FOXJ3: variants seen among roughly 807,000 people sequenced by gnomAD.
FOXJ3 encodes forkhead box J3.
Under a neutral mutation model 76.1 loss-of-function variants are expected in FOXJ3, and 22 were observed. The observed-to-expected ratio is 0.29, with a 90% confidence interval of 0.21 to 0.41. The LOEUF (loss-of-function observed/expected upper bound fraction) is 0.41, where lower values mean the gene tolerates loss of function less well. Among genes scored for constraint, FOXJ3 ranks in the 10% least tolerant of loss-of-function variants. FOXJ3 has a pLI of 1.00. For synonymous variants in FOXJ3, 269 were observed against 261.2 expected (o/e 1.03, Z -0.29); for missense variants, 613 against 762.1 (o/e 0.80, Z 2.30).
chr1:42,277,207 G>T (rs937260439), intron 3 of FOXJ3, among the ~76,000 whole-genome samples: 1 of 152,140 alleles, frequency 6.6e-6, no homozygotes, highest in Non-Finnish European at 1.5e-5. Context: ...ACTTTGGCAG[G>T]CCGAAGCAGG....
chr1:42,203,720 G>A (rs1213909197), intron 6 of FOXJ3, among the ~76,000 whole-genome samples: 1 of 152,136 alleles, frequency 6.6e-6, no homozygotes, highest in African/African-American at 2.4e-5. Flanking sequence ...ACTCAGCCAG[G>A]TGTGGTGGCT....
chr1:42,208,860 C>A (rs1220410652), intron 5 of FOXJ3, among the ~76,000 whole-genome samples: 1 of 152,214 alleles, frequency 6.6e-6, no homozygotes, highest in Admixed American at 6.5e-5. Flanking sequence ...GTTCAGAACA[C>A]TTACACATTA....
intron 2 of FOXJ3, among the ~76,000 whole-genome samples, chr1:42,300,600 A>G (rs546806897): frequency 7.2e-5 from 11 of 151,868 alleles, no homozygotes; most frequent in African/African-American, 2.7e-4. Context: ...ACACAGCAAA[A>G]CCTTGTCTCT....
intron 6 of FOXJ3, among the ~76,000 whole-genome samples, chr1:42,201,712 T>G (rs1435928054): frequency 2.0e-5 from 3 of 152,236 alleles, no homozygotes; most frequent in African/African-American, 7.2e-5. Flanking sequence ...GTTTTGCTAC[T>G]TAGGTTATGA....
chr1:42,218,447 C>CA (rs1250345777), intron 5 of FOXJ3, among the ~76,000 whole-genome samples: 1 of 151,998 alleles, frequency 6.6e-6, no homozygotes. Flanking sequence ...ATCTCTGTTC[C>CA]AAAAAAAGCT....
chr1:42,244,578 A>C (rs1398155020), intron 4 of FOXJ3, among the ~76,000 whole-genome samples: 1 of 152,206 alleles, frequency 6.6e-6, no homozygotes, highest in Non-Finnish European at 1.5e-5. Context: ...GGTTTAAAAA[A>C]TACAAACTGT....
intron 1 of FOXJ3, among the ~76,000 whole-genome samples, chr1:42,329,949 AC>A (rs1656060022): frequency 6.6e-6 from 1 of 152,204 alleles, no homozygotes. Flanking sequence ...AAAATAGACT[AC>A]AAGGGTTCAA....
intron 2 of FOXJ3, among the ~76,000 whole-genome samples, chr1:42,284,499 C>T (rs1252505590): frequency 4.6e-5 from 7 of 152,174 alleles, no homozygotes; most frequent in African/African-American, 1.7e-4. Context: ...ATAGGTACTG[C>T]CTACCCTTGT....
intron 5 of FOXJ3, among the ~76,000 whole-genome samples, chr1:42,207,971 T>C (rs890557210): frequency 6.6e-6 from 1 of 152,250 alleles, no homozygotes; most frequent in Non-Finnish European, 1.5e-5. Flanking sequence ...TCATATTCCC[T>C]TAATTCAACT....
rs192335703 is a variant in FOXJ3 at position 42,196,467 on chromosome 1, C to T, written c.760-1403G>A. ...CAGCACTTTAAGAGGCCGAGGCGGGCGGATCACCTGAAGTCAGAAGTTCGA... is the reference window on the plus strand; with the variant it reads ...CAGCACTTTAAGAGGCCGAGGCGGGTGGATCACCTGAAGTCAGAAGTTCGA... On this transcript the variant is annotated intron_variant, in intron 7 of 12. Coordinates refer to ENST00000361346, the MANE Select transcript of FOXJ3 (RefSeq NM_014947.5). 9.7e-3 allele frequency among the ~76,000 whole-genome samples: 1,480 copies of T among 152,136 alleles called. 8 individuals are homozygous for T. The highest frequency in any genetic ancestry group is 0.014 in the Non-Finnish European group (967 of 67,994).
In FOXJ3 at chr1:42,189,339, C is replaced by G. The variant is rs1226317308; in HGVS notation, c.1417G>C (p.Val473Leu). 10 of 1,613,562 alleles carry G rather than the reference C, an allele frequency of 6.2e-6. No individual in the cohort carries two copies. Among genetic ancestry groups the G allele is most frequent in the Middle Eastern group, 1.6e-4 (1 of 6,080 alleles). The change falls in exon 10 of 13, where the codon GTT (valine) becomes CTT (leucine). Residue 473 changes from valine to leucine, a missense_variant. By Grantham distance (32) the Val-to-Leu change is conservative. Transcript: ENST00000361346. ...GAAAGGTCTACATCTGACCAATTAA[C>G]ACTGCTGGCAATTCGACAGCTTTCT... ...LKESCRIASSVNWSDVDLSQF... is the reference protein window; with the variant it reads ...LKESCRIASSLNWSDVDLSQF...
intron 1 of FOXJ3, among the ~76,000 whole-genome samples, chr1:42,321,258 T>G (rs879609126): frequency 1.3e-5 from 2 of 152,138 alleles, no homozygotes; most frequent in Non-Finnish European, 2.9e-5. Flanking sequence ...AGGACAACGG[T>G]TTCCTATCAT....
chr1:42,221,689 G>A (rs954880458), intron 5 of FOXJ3, among the ~76,000 whole-genome samples: 1 of 151,468 alleles, frequency 6.6e-6, no homozygotes. Context: ...TCAAAGTACT[G>A]CGATTACAGG....
rs1412336341 is a variant in FOXJ3, at chr1:42,308,221, T to C, written c.44+2829A>G. On this transcript the variant is annotated intron_variant, in intron 2 of 12. Coordinates refer to ENST00000361346, the MANE Select transcript of FOXJ3 (RefSeq NM_014947.5). ...AGCCACTTTCTAGATATACAGATAG[T>C]ATATACAAGGTAGTATATACGAGAG... 2.0e-5 allele frequency among the ~76,000 whole-genome samples: 3 copies of C among 152,194 alleles called. No individual in the cohort carries two copies. In the East Asian group the frequency reaches 5.8e-4, roughly 29 times the overall value.
chr1:42,287,763 T>C (rs1298631506), intron 2 of FOXJ3, among the ~76,000 whole-genome samples: 1 of 151,950 alleles, frequency 6.6e-6, no homozygotes, highest in Non-Finnish European at 1.5e-5. Flanking sequence ...GAGTTCAAGA[T>C]CAGCATGGGC....
intron 4 of FOXJ3, among the ~76,000 whole-genome samples, chr1:42,242,844 C>G (rs769588210): frequency 1.1e-4 from 17 of 152,170 alleles, no homozygotes; most frequent in Admixed American, 4.6e-4. Context: ...ATACAGGAAG[C>G]TCAGAGATCC....
At chr1:42,305,710 T>C (rs927267528) in intron 2 of FOXJ3, among the ~76,000 whole-genome samples, 2 of 152,114 alleles carry the variant, frequency 1.3e-5, no homozygotes, top group Non-Finnish European at 2.9e-5. Flanking sequence ...TACCAGAGGC[T>C]GGGAAGGGTA....
chr1:42,252,720 G>T (rs1409777920), intron 4 of FOXJ3, among the ~76,000 whole-genome samples: 1 of 151,594 alleles, frequency 6.6e-6, no homozygotes, highest in Non-Finnish European at 1.5e-5. Flanking sequence ...TGTGATGTTA[G>T]GGTGTCAATT....
At chr1:42,292,979 T>C (rs1308676934) in intron 2 of FOXJ3, among the ~76,000 whole-genome samples, 1 of 152,022 alleles carries the variant, frequency 6.6e-6, no homozygotes, top group African/African-American at 2.4e-5. Flanking sequence ...TGGGCACCTG[T>C]AGTCCCAGCT....
Sources: gnomAD v4.1 joint callset for allele counts (sites outside exome capture counted in the v4.1 genomes callset) on GRCh38, gnomAD v4.1.1 for gene constraint, MANE v1.5 for transcripts, NCBI Gene and HGNC (gene_info 2026-07-23, HGNC 2026-07-21) for gene names.